NXPE4: variants seen among roughly 807,000 people sequenced by gnomAD.
NXPE4 encodes neurexophilin and PC-esterase domain family member 4, also known as NXPE family member 4.
NXPE4 carries 42 observed loss-of-function variants against 33.3 expected under a neutral mutation model. The ratio of observed to expected loss-of-function variants is 1.26; its 90% CI spans 0.98 to 1.63. The LOEUF (loss-of-function observed/expected upper bound fraction) is 1.63. Among genes scored for constraint, NXPE4 ranks in the 40% most tolerant of loss-of-function variants. The pLI, the probability that NXPE4 is intolerant of heterozygous loss-of-function variation, is 0.00. For missense variants in NXPE4, 709 were observed against 647.6 expected (o/e 1.09, Z -1.03); for synonymous variants, 253 against 234.9 (o/e 1.08, Z -0.71).
Position 114,582,720 on chromosome 11 carries a change from T to A in NXPE4, c.398A>T (p.Tyr133Phe). The change falls in exon 3 of 6, where the codon TAT becomes TTT. Residue 133 changes from tyrosine (Y) to phenylalanine (F), a missense_variant. Coordinates refer to ENST00000375478, the MANE Select transcript of NXPE4 (RefSeq NM_001077639.2). ...CCTGGCCCTCAGGAAATCCCCGCCATATTGCTTCCTGCGTCCCAAGTGGTC... is the reference window on the plus strand; with the variant it reads ...CCTGGCCCTCAGGAAATCCCCGCCAAATTGCTTCCTGCGTCCCAAGTGGTC... ...VRDHLGRRKQ[Y>F]GGDFLRARMS... 6.2e-7 allele frequency: 1 copy of A among 1,614,150 alleles called. No homozygotes were observed. Among genetic ancestry groups the A allele is most frequent in the Middle Eastern group, 1.7e-4 (1 of 6,060 alleles).
At chr11:114,671,296 G>A in the NXPE4 span, among the ~76,000 whole-genome samples, 6 of 148,910 alleles carry the variant, frequency 4.0e-5, no homozygotes, top group Admixed American at 2.0e-4. Flanking sequence ...AGAGAAATAC[G>A]GTACAAATTT....
At chr11:114,612,121 GATA>G in the NXPE4 span, among the ~76,000 whole-genome samples, 1 of 151,920 alleles carries the variant, frequency 6.6e-6, no homozygotes, top group Non-Finnish European at 1.5e-5. Context: ...TTACCTGGTG[GATA>G]ATAATTGTTG....
the NXPE4 span, among the ~76,000 whole-genome samples, chr11:114,630,204 C>A: frequency 1.3e-5 from 2 of 151,704 alleles, no homozygotes; most frequent in East Asian, 3.8e-4. Context: ...AAAAAGAGCC[C>A]TCATCGCCAA....
intron 5 of NXPE4, among the ~76,000 whole-genome samples, chr11:114,573,624 G>A (rs7358482): frequency 0.017 from 2,573 of 151,952 alleles, 55 homozygotes; most frequent in African/African-American, 0.056. Flanking sequence ...GACAAAGAGG[G>A]ACATTATATA....
the NXPE4 span, among the ~76,000 whole-genome samples, chr11:114,671,815 C>G: frequency 6.6e-6 from 1 of 151,966 alleles, no homozygotes; most frequent in African/African-American, 2.4e-5. Context: ...AGTTTGAAAA[C>G]AAGTGACCAC....
the NXPE4 span, among the ~76,000 whole-genome samples, chr11:114,653,681 C>G: frequency 6.6e-6 from 1 of 152,000 alleles, no homozygotes; most frequent in Non-Finnish European, 1.5e-5. Flanking sequence ...GCGCCCACCA[C>G]TATGCCTGGC....
chr11:114,668,169 G>A, the NXPE4 span, among the ~76,000 whole-genome samples: 1 of 151,972 alleles, frequency 6.6e-6, no homozygotes, highest in Non-Finnish European at 1.5e-5. Flanking sequence ...CTACTTTTCT[G>A]TACTCTGTTT....
chr11:114,581,859 C>T, intron 3 of NXPE4, 73 bp from the exon 4 acceptor site: 1 of 955,320 alleles, frequency 1.0e-6, no homozygotes, highest in Non-Finnish European at 1.6e-6. Flanking sequence ...CTAGATTATC[C>T]AGTGCCTCAG....
At chr11:114,610,655 C>G in the NXPE4 span, among the ~76,000 whole-genome samples, 3 of 151,864 alleles carry the variant, frequency 2.0e-5, no homozygotes, top group Non-Finnish European at 4.4e-5. Flanking sequence ...CCACTGTTAA[C>G]CGGTGGATAA....
the NXPE4 span, among the ~76,000 whole-genome samples, chr11:114,664,560 G>A: frequency 1.3e-5 from 2 of 152,114 alleles, no homozygotes; most frequent in Admixed American, 1.3e-4. Flanking sequence ...AGACTGTTCT[G>A]CACACACAGA....
chr11:114,611,375 G>T, the NXPE4 span, among the ~76,000 whole-genome samples: 1 of 149,680 alleles, frequency 6.7e-6, no homozygotes, highest in African/African-American at 2.5e-5. Context: ...GATAATAAGT[G>T]TTGCCTCGTG....
At chr11:114,663,170 C>G in the NXPE4 span, among the ~76,000 whole-genome samples, 1 of 152,112 alleles carries the variant, frequency 6.6e-6, no homozygotes, top group South Asian at 2.1e-4. Flanking sequence ...GCAGTACTCC[C>G]TGTGGGCCTA....
At chr11:114,634,224 C>A in the NXPE4 span, among the ~76,000 whole-genome samples, 1 of 151,896 alleles carries the variant, frequency 6.6e-6, no homozygotes, top group African/African-American at 2.4e-5. Context: ...TGATGGTGAG[C>A]ATTTTTTCAT....
chr11:114,584,963 G>A (rs996577647), intron 2 of NXPE4, among the ~76,000 whole-genome samples: 2 of 152,010 alleles, frequency 1.3e-5, no homozygotes, highest in African/African-American at 4.8e-5. Flanking sequence ...GAATACTTTT[G>A]TGCAAACAGA....
At chr11:114,619,136 A>G in the NXPE4 span, among the ~76,000 whole-genome samples, 1 of 152,092 alleles carries the variant, frequency 6.6e-6, no homozygotes, top group African/African-American at 2.4e-5. Context: ...GTGGGTAACC[A>G]CTGTTACCCA....
chr11:114,597,974 C>T (rs933823807), upstream of NXPE4, among the ~76,000 whole-genome samples: 1 of 152,088 alleles, frequency 6.6e-6, no homozygotes, highest in Non-Finnish European at 1.5e-5. Flanking sequence ...AGTCTGAAGT[C>T]CAAAGTCTCA....
At chr11:114,662,751 G>A in the NXPE4 span, among the ~76,000 whole-genome samples, 1 of 152,108 alleles carries the variant, frequency 6.6e-6, no homozygotes, top group South Asian at 2.1e-4. Context: ...TGAGGCTGCC[G>A]TTCCAGGCCC....
At chr11:114,614,457 C>G in the NXPE4 span, among the ~76,000 whole-genome samples, 1 of 151,776 alleles carries the variant, frequency 6.6e-6, no homozygotes, top group Non-Finnish European at 1.5e-5. Flanking sequence ...CCACTGTTAC[C>G]CGCTGGATGA....
At chr11:114,631,395 T>G in the NXPE4 span, among the ~76,000 whole-genome samples, 1 of 151,364 alleles carries the variant, frequency 6.6e-6, no homozygotes, top group African/African-American at 2.4e-5. Flanking sequence ...AAATTGGAAA[T>G]CATCATTCTC....
Sources: allele counts gnomAD v4.1 joint callset (sites outside exome capture counted in the v4.1 genomes callset), GRCh38; gene constraint gnomAD v4.1.1; transcripts MANE v1.5; gene names NCBI Gene and HGNC (gene_info 2026-07-23, HGNC 2026-07-21).